TNRC6B: variants seen among roughly 807,000 people sequenced by gnomAD.
The protein encoded by TNRC6B is trinucleotide repeat containing adaptor 6B.
In TNRC6B, 52 loss-of-function variants were observed where a neutral mutation model predicts 203.6. That is an observed-to-expected ratio of 0.26 (90% CI 0.20 to 0.32). TNRC6B has a LOEUF of 0.32. Ranked by LOEUF, TNRC6B falls within the 10% of genes least tolerant of loss-of-function variation. The probability of loss-of-function intolerance (pLI) is 1.00; values close to 1 mark genes in which losing one functional copy is unlikely to be tolerated. For synonymous variants in TNRC6B, 838 were observed against 845.7 expected (o/e 0.99, Z 0.16); for missense variants, 1,923 against 2,286.2 (o/e 0.84, Z 3.24).
At chr22:40,106,464 A>G (rs535066443) in intron 1 of TNRC6B, 9 of 777,368 alleles carry the variant, frequency 1.2e-5, no homozygotes, top group Non-Finnish European at 2.1e-5. Flanking sequence ...TGCTTCTTTG[A>G]AGCATTTTCC....
intron 3 of TNRC6B, among the ~76,000 whole-genome samples, chr22:40,154,877 A>G (rs1181656128): frequency 2.5e-4 from 14 of 56,274 alleles, no homozygotes; most frequent in Admixed American, 1.0e-3. Context: ...ATATATATAT[A>G]TATATATATA....
chr22:40,080,626 C>T (rs1372650577), intron 1 of TNRC6B, among the ~76,000 whole-genome samples: 1 of 152,132 alleles, frequency 6.6e-6, no homozygotes, highest in African/African-American at 2.4e-5. Flanking sequence ...TCTCACAGTT[C>T]CCCAAGTGTT....
intron 3 of TNRC6B, among the ~76,000 whole-genome samples, chr22:40,145,450 C>G (rs1386854833): frequency 6.6e-6 from 1 of 152,140 alleles, no homozygotes; most frequent in East Asian, 1.9e-4. Flanking sequence ...AAAATATATA[C>G]ATTTTCTTTT....
Position 40,246,054 on chromosome 22 carries a change from C to T in TNRC6B, c.45C>T (p.Asp15=). 1 of 1,532,040 alleles carries T rather than the reference C, an allele frequency of 6.5e-7. No homozygotes were observed. The highest frequency in any genetic ancestry group is 8.8e-7 in the Non-Finnish European group (1 of 1,135,916). The allele number at this position is 1,532,040 out of a possible 1,614,324, so 94.9% of individuals were successfully genotyped here. A position where few individuals can be genotyped will look rare whatever the true frequency, so the allele number is the denominator to read the frequency against. The stretch of plus-strand genomic sequence containing the variant: ...AAAGGGAAGAACAGTTAATGGAAGA[C>T]AAGAAAAGGAAGAAAGAGGATAAAA... ...EQEREEQLME[D]KKRKKEDKKK... The change falls in exon 2 of 23, where the codon GAC becomes GAT. Residue 15 remains aspartate (D), a synonymous_variant. Transcript: ENST00000454349.
At chr22:40,068,602 G>A (rs1806679814) in intron 1 of TNRC6B, among the ~76,000 whole-genome samples, 1 of 151,634 alleles carries the variant, frequency 6.6e-6, no homozygotes, top group Non-Finnish European at 1.5e-5. Context: ...ACAGGCGTGA[G>A]CCACCGCGCC....
At chr22:40,281,451 A>C (rs1284691820) in intron 11 of TNRC6B, among the ~76,000 whole-genome samples, 162 bp downstream of exon 11, 4 of 151,578 alleles carry the variant, frequency 2.6e-5, no homozygotes, top group Non-Finnish European at 4.4e-5. Flanking sequence ...CATAGAACCC[A>C]TCTCTCTTCA....
intron 2 of TNRC6B, among the ~76,000 whole-genome samples, chr22:40,117,954 G>C (rs1195463321): frequency 6.6e-6 from 1 of 152,124 alleles, no homozygotes; most frequent in Non-Finnish European, 1.5e-5. Flanking sequence ...GCCTAAAAGA[G>C]GCCCCCACAA....
intron 15 of TNRC6B, chr22:40,301,633 TCATA>T (rs2071025167): frequency 5.2e-6 from 2 of 382,778 alleles, no homozygotes; most frequent in African/African-American, 4.1e-5. Flanking sequence ...CAGTAAAGGC[TCATA>T]CATGCTATAG....
intron 2 of TNRC6B, among the ~76,000 whole-genome samples, chr22:40,122,410 G>A (rs1436580174): frequency 1.3e-5 from 2 of 152,146 alleles, no homozygotes; most frequent in Non-Finnish European, 2.9e-5. Flanking sequence ...ACAGGCCAGT[G>A]AACTTAACAC....
chr22:40,282,656 C>A (rs2070733415), intron 11 of TNRC6B, among the ~76,000 whole-genome samples: 1 of 152,068 alleles, frequency 6.6e-6, no homozygotes, highest in African/African-American at 2.4e-5. Flanking sequence ...AAAAAAAGGT[C>A]ATTCTTCTTA....
At chr22:40,166,763 C>G (rs2068923387) in intron 4 of TNRC6B, among the ~76,000 whole-genome samples, 1 of 151,950 alleles carries the variant, frequency 6.6e-6, no homozygotes. Flanking sequence ...AGCGTGGTGG[C>G]ACACATCTGT....
intron 4 of TNRC6B, among the ~76,000 whole-genome samples, chr22:40,167,899 C>A (rs141066430): frequency 6.6e-6 from 1 of 151,932 alleles, no homozygotes; most frequent in African/African-American, 2.4e-5. Context: ...CCAAAAAATA[C>A]GGGATAATTG....
chr22:40,110,486 T>G (rs1403251859), intron 1 of TNRC6B, among the ~76,000 whole-genome samples: 3 of 152,206 alleles, frequency 2.0e-5, no homozygotes, highest in Admixed American at 2.0e-4. Flanking sequence ...TACCTGTAAG[T>G]GATTTGCAGT....
intron 1 of TNRC6B, among the ~76,000 whole-genome samples, chr22:40,186,142 G>C (rs1010524086): frequency 4.6e-5 from 7 of 152,232 alleles, no homozygotes; most frequent in African/African-American, 1.7e-4. Flanking sequence ...AAAAAGAACT[G>C]AGAATGAGAC....
chr22:40,200,358 C>A (rs4821930), intron 1 of TNRC6B, among the ~76,000 whole-genome samples: 1 of 120,912 alleles, frequency 8.3e-6, no homozygotes, highest in Non-Finnish European at 1.6e-5. Context: ...ATGATCTCGG[C>A]TCACTACAAC....
intron 5 of TNRC6B, among the ~76,000 whole-genome samples, 160 bp downstream of exon 5, chr22:40,267,196 G>C (rs1205268532): frequency 6.6e-6 from 1 of 152,212 alleles, no homozygotes; most frequent in African/African-American, 2.4e-5. Context: ...AAATGCTAGT[G>C]ATGGCAGATG....
Position 40,266,529 on chromosome 22 carries a change from A to C in TNRC6B, c.2299A>C (p.Lys767Gln), listed in dbSNP as rs767472201. Residue 767 changes from lysine (K) to glutamine (Q), a missense_variant, in exon 5 of 23, where the codon AAA (lysine) becomes CAA (glutamine). Lys to Gln is a moderately conservative substitution (Grantham distance 53). Coordinates refer to ENST00000454349, the MANE Select transcript of TNRC6B (RefSeq NM_001162501.2). ...KNSNWESSASKPVSGWGEGGQ... is the reference protein window; with the variant it reads ...KNSNWESSASQPVSGWGEGGQ... Reference sequence around the variant, plus strand: ...CAGCAATTGGGAAAGTTCTGCAAGTAAACCTGTGTCTGGGTGGGGTGAAGG... The same window carrying C: ...CAGCAATTGGGAAAGTTCTGCAAGTCAACCTGTGTCTGGGTGGGGTGAAGG... The C allele has an allele frequency of 4.5e-5, 73 of 1,613,722 alleles. 1 individual carries two copies. The East Asian group carries it at 1.6e-3, about 34-fold the overall frequency.
At chr22:40,193,851 C>G (rs541942812) in intron 1 of TNRC6B, among the ~76,000 whole-genome samples, 7 of 149,988 alleles carry the variant, frequency 4.7e-5, no homozygotes, top group Admixed American at 4.6e-4. Context: ...CAGCGCCACC[C>G]ACCCTCCAAA....
At chr22:40,171,971 G>A (rs188792955) in intron 4 of TNRC6B, among the ~76,000 whole-genome samples, 1 of 151,784 alleles carries the variant, frequency 6.6e-6, no homozygotes, top group African/African-American at 2.4e-5. Flanking sequence ...GGTGATTCTC[G>A]CACCTCAGCC....
Sources: gnomAD v4.1 joint callset for allele counts (sites outside exome capture counted in the v4.1 genomes callset) on GRCh38, gnomAD v4.1.1 for gene constraint, MANE v1.5 for transcripts, NCBI Gene and HGNC (gene_info 2026-07-23, HGNC 2026-07-21) for gene names.